The following RELN variants were observed in gnomAD, a reference collection of about 807,000 sequenced individuals.
RELN encodes the protein reelin.
A neutral mutation model predicts 427.6 loss-of-function variants in RELN; 108 were observed. The observed-to-expected ratio is 0.25, with a 90% CI of 0.22 to 0.30. RELN has a LOEUF of 0.30. Ranked by LOEUF, RELN falls within the 10% of genes least tolerant of loss-of-function variation. The pLI is 1.00. For missense variants in RELN, 3,715 were observed against 4,302.8 expected (o/e 0.86, Z 3.82); for synonymous variants, 1,524 against 1,513.4 (o/e 1.01, Z -0.16).
intron 3 of RELN, among the ~76,000 whole-genome samples, chr7:103,830,528 T>C (rs1477273917): frequency 6.6e-6 from 1 of 152,014 alleles, no homozygotes; most frequent in Non-Finnish European, 1.5e-5. Flanking sequence ...GCTGTGTTTT[T>C]TTTTAGTTTA....
At chr7:103,854,078 T>C (rs1445587622) in intron 2 of RELN, among the ~76,000 whole-genome samples, 1 of 152,184 alleles carries the variant, frequency 6.6e-6, no homozygotes, top group South Asian at 2.1e-4. Context: ...AATGTCACTC[T>C]GTATCTCACA....
At chr7:103,595,723 TAC>T (rs1388816166) in intron 25 of RELN, among the ~76,000 whole-genome samples, 4 of 151,906 alleles carry the variant, frequency 2.6e-5, no homozygotes, top group Admixed American at 6.6e-5. Context: ...AAAATGAAAA[TAC>T]AGAGATTATA....
chr7:103,618,037 T>C (rs1394516231), intron 20 of RELN, among the ~76,000 whole-genome samples: 2 of 152,160 alleles, frequency 1.3e-5, no homozygotes, highest in African/African-American at 4.8e-5. Context: ...CTGTACTTCT[T>C]GTACAGTCTG....
At chr7:103,810,835 T>G (rs1256405406) in intron 3 of RELN, among the ~76,000 whole-genome samples, 1 of 152,216 alleles carries the variant, frequency 6.6e-6, no homozygotes, top group African/African-American at 2.4e-5. Context: ...AATTACCATA[T>G]ATCTTGATTT....
chr7:103,677,401 AAAGTATAAT>A (rs1279041676), intron 11 of RELN, among the ~76,000 whole-genome samples: 1 of 129,252 alleles, frequency 7.7e-6, no homozygotes, highest in Non-Finnish European at 1.6e-5. Context: ...CCCAGAACTT[AAAGTATAAT>A]AATAATAATA....
intron 11 of RELN, among the ~76,000 whole-genome samples, chr7:103,675,032 G>A (rs1044887666): frequency 2.0e-5 from 3 of 152,130 alleles, no homozygotes; most frequent in Non-Finnish European, 2.9e-5. Flanking sequence ...GGAAGTTCTG[G>A]CCAGGGCAAT....
intron 1 of RELN, among the ~76,000 whole-genome samples, chr7:103,967,331 C>G (rs1049456546): frequency 6.6e-6 from 1 of 152,082 alleles, no homozygotes; most frequent in Non-Finnish European, 1.5e-5. Flanking sequence ...CTACAAGAAA[C>G]CAAAACACTT....
At position 103,490,737 on chromosome 7, in the gene RELN, A is replaced by G; in HGVS notation, c.9536T>C (p.Ile3179Thr). 1 of 1,614,224 alleles carries G rather than the reference A, an allele frequency of 6.2e-7. No individual in the cohort carries two copies. The highest frequency in any genetic ancestry group is 8.5e-7 in the Non-Finnish European group (1 of 1,180,040). ...CSPFQFHEAT[I>T]YNSVNSSSWK... ...GCTTGAGCTGTTGACAGAGTTGTAG[A>G]TGGTGGCTTCATGGAACTGGAAAGG... is the stretch of plus-strand genomic sequence containing the variant. Residue 3179 changes from isoleucine to threonine, a missense_variant, in exon 59 of 65, where the codon ATC becomes ACC. Coordinates refer to ENST00000428762, the MANE Select transcript of RELN (RefSeq NM_005045.4).
intron 2 of RELN, among the ~76,000 whole-genome samples, chr7:103,891,394 T>A (rs886821814): frequency 1.3e-5 from 2 of 152,146 alleles, no homozygotes; most frequent in Non-Finnish European, 1.5e-5. Flanking sequence ...GTAATTAATG[T>A]CTCCTGTGAA....
chr7:103,815,267 G>A (rs549127188), intron 3 of RELN, among the ~76,000 whole-genome samples: 1 of 152,240 alleles, frequency 6.6e-6, no homozygotes, highest in South Asian at 2.1e-4. Flanking sequence ...ATCATATGCT[G>A]TTTAATATTT....
At chr7:103,910,019 C>T (rs1463259112) in intron 2 of RELN, among the ~76,000 whole-genome samples, 16 of 134,444 alleles carry the variant, frequency 1.2e-4, no homozygotes, top group East Asian at 4.1e-4. Context: ...GCCATTTTCA[C>T]GATATTGATT....
At chr7:103,867,745 G>A (rs1351026516) in intron 2 of RELN, among the ~76,000 whole-genome samples, 1 of 151,850 alleles carries the variant, frequency 6.6e-6, no homozygotes, top group Admixed American at 6.6e-5. Flanking sequence ...ACTGCAGGAG[G>A]CTATGATGTT....
At chr7:103,726,721 A>C (rs960859874) in intron 7 of RELN, among the ~76,000 whole-genome samples, 1 of 152,166 alleles carries the variant, frequency 6.6e-6, no homozygotes, top group African/African-American at 2.4e-5. Context: ...CTTCTAAAAC[A>C]GGCATTTAGT....
At chr7:103,963,464 A>T (rs143489541) in intron 1 of RELN, among the ~76,000 whole-genome samples, 1 of 152,304 alleles carries the variant, frequency 6.6e-6, no homozygotes, top group African/African-American at 2.4e-5. Flanking sequence ...TATCTATGTT[A>T]TTTATCAAAA....
At position 103,989,448 on chromosome 7, in the gene RELN, A is replaced by G; in HGVS notation, c.-92T>C. ...CGGGACGGAGGAGCCACGCGGAGAG[A>G]AGGCGAGAAGAAGGCGGACGGGAGC... is the stretch of plus-strand genomic sequence containing the variant. On this transcript the variant is annotated 5_prime_UTR_variant, in exon 1 of 65. Transcript: ENST00000428762. The surrounding 1 kb of genome is among the most constrained non-coding windows in gnomAD (Gnocchi z 4.9). 1 of 1,135,832 alleles carries G rather than the reference A, an allele frequency of 8.8e-7. No individual in the cohort carries two copies. Among genetic ancestry groups the G allele is most frequent in the South Asian group, 2.3e-5 (1 of 44,436 alleles). The allele number at this position is 1,135,832 out of a possible 1,614,324, so 70.4% of individuals were successfully genotyped here.
chr7:103,740,589 T>A (rs1005640527), intron 6 of RELN, among the ~76,000 whole-genome samples: 6 of 152,248 alleles, frequency 3.9e-5, no homozygotes, highest in African/African-American at 1.4e-4. Flanking sequence ...GTTACCTTTA[T>A]TTATAATATC....
chr7:103,905,245 T>G (rs1405733611), intron 2 of RELN, among the ~76,000 whole-genome samples: 2 of 152,220 alleles, frequency 1.3e-5, no homozygotes, highest in Admixed American at 6.6e-5. Context: ...CCCAAAGTGC[T>G]GGGATTACAG....
At chr7:103,665,141 TG>T (rs1833232180) in intron 11 of RELN, among the ~76,000 whole-genome samples, 1 of 152,130 alleles carries the variant, frequency 6.6e-6, no homozygotes, top group Admixed American at 6.6e-5. Context: ...AGATCCAATA[TG>T]GTTTTTTCTA....
chr7:103,660,524 T>C (rs1833117011), intron 12 of RELN, among the ~76,000 whole-genome samples: 1 of 152,216 alleles, frequency 6.6e-6, no homozygotes, highest in African/African-American at 2.4e-5. Flanking sequence ...GCTGTATGAT[T>C]ATCAAAAAGG....
Sources: gnomAD v4.1 joint callset for allele counts (sites outside exome capture counted in the v4.1 genomes callset) on GRCh38, gnomAD v4.1.1 for gene constraint, Gnocchi (gnomAD v3.1) non-coding constraint, MANE v1.5 for transcripts, NCBI Gene and HGNC (gene_info 2026-07-23, HGNC 2026-07-21) for gene names.